DNM3: variants seen among roughly 807,000 people sequenced by gnomAD.
DNM3 encodes the protein dynamin 3, also known as dynamin-3.
In DNM3, 47 loss-of-function variants were observed where a neutral mutation model predicts 101.6. That is an observed-to-expected ratio of 0.46 (90% CI 0.37 to 0.59). The LOEUF is 0.59. Among genes scored for constraint, DNM3 ranks in the 20% least tolerant of loss-of-function variants. The pLI, the probability that DNM3 is intolerant of heterozygous loss-of-function variation, is 0.00. For missense variants in DNM3, 849 were observed against 1,085.7 expected (o/e 0.78, Z 3.06); for synonymous variants, 385 against 387.9 (o/e 0.99, Z 0.09).
chr1:172,229,947 A>G (rs180771207), intron 14 of DNM3, among the ~76,000 whole-genome samples: 1 of 152,176 alleles, frequency 6.6e-6, no homozygotes, highest in Non-Finnish European at 1.5e-5. Context: ...GAAGTTCATT[A>G]TTTCTCTGCA....
intron 14 of DNM3, among the ~76,000 whole-genome samples, chr1:172,241,175 C>G (rs1046042008): frequency 3.3e-5 from 5 of 151,438 alleles, no homozygotes; most frequent in African/African-American, 1.2e-4. Context: ...TCACTCACAC[C>G]TTGAATTCTC....
chr1:172,292,624 C>CACACACACAA (rs1553224094), intron 15 of DNM3, among the ~76,000 whole-genome samples: 1 of 135,434 alleles, frequency 7.4e-6, no homozygotes, highest in South Asian at 2.4e-4. Flanking sequence ...CACACACACA[C>CACACACACAA]GCGCGTGCGT....
In DNM3 at chr1:172,402,505, T is replaced by C. The variant is rs180953592; in HGVS notation, c.2523-5267T>C. Among the ~76,000 whole-genome samples, 163 of 152,308 alleles carry C rather than the reference T, an allele frequency of 1.1e-3. 1 individual carries two copies. Among genetic ancestry groups the C allele is most frequent in the African/African-American group, 3.7e-3 (155 of 41,582 alleles). On this transcript the variant is annotated intron_variant, in intron 20 of 20. Coordinates refer to ENST00000627582, the MANE Select transcript of DNM3 (RefSeq NM_015569.5). Reference sequence around the variant, plus strand: ...GCAAATAACTACCCTTTTAAGCAGATATCTTCTCTAAAAATGTCAGTCTTT... The same window carrying C: ...GCAAATAACTACCCTTTTAAGCAGACATCTTCTCTAAAAATGTCAGTCTTT...
intron 13 of DNM3, among the ~76,000 whole-genome samples, chr1:172,102,740 T>C (rs896929125): frequency 1.3e-5 from 2 of 152,078 alleles, no homozygotes; most frequent in Non-Finnish European, 2.9e-5. Flanking sequence ...GGCTGCCCCA[T>C]AGCTCCTCTC....
chr1:172,238,498 T>C (rs1214257975), intron 14 of DNM3, among the ~76,000 whole-genome samples: 3 of 152,210 alleles, frequency 2.0e-5, no homozygotes, highest in Non-Finnish European at 4.4e-5. Flanking sequence ...GTTTATTCTG[T>C]AGCAGGCATT....
At chr1:171,982,918 T>G (rs1435338254) in intron 2 of DNM3, among the ~76,000 whole-genome samples, 4 of 152,202 alleles carry the variant, frequency 2.6e-5, no homozygotes, top group Non-Finnish European at 5.9e-5. Flanking sequence ...CTCATTGTTC[T>G]GCCTCTTTCC....
chr1:172,052,756 T>C (rs2050296399), intron 10 of DNM3, among the ~76,000 whole-genome samples: 1 of 152,188 alleles, frequency 6.6e-6, no homozygotes, highest in Non-Finnish European at 1.5e-5. Flanking sequence ...AACACTGCGA[T>C]CCCACAGAGC....
Position 172,409,991 on chromosome 1 carries a change from ACAATGG to A in DNM3, c.*2153_*2158del, listed in dbSNP as rs1279640844. 1 of 985,634 alleles carries A rather than the reference ACAATGG, an allele frequency of 1.0e-6. No homozygotes were observed. Among genetic ancestry groups the A allele is most frequent in the Non-Finnish European group, 1.2e-6 (1 of 829,884 alleles). The allele number at this position is 985,634 out of a possible 1,614,324, so 61.1% of individuals were successfully genotyped here. A position where few individuals can be genotyped will look rare whatever the true frequency, so the allele number is the denominator to read the frequency against. On this transcript the variant is annotated 3_prime_UTR_variant, in exon 21 of 21. Transcript: ENST00000627582. ...TTCCACTGATCTTAGGCAGTAATAA[ACAATGG>A]CATTTGTCATCTTTGGCACTTGCTT...
At chr1:171,912,902 T>A (rs1160891909) in intron 1 of DNM3, among the ~76,000 whole-genome samples, 1 of 152,232 alleles carries the variant, frequency 6.6e-6, no homozygotes, top group Non-Finnish European at 1.5e-5. Flanking sequence ...GGCAGCCAAC[T>A]TGGGTAAAAT....
At chr1:172,366,692 T>C (rs763836321) in intron 17 of DNM3, 12 of 151,776 alleles carry the variant, frequency 7.9e-5, no homozygotes, top group African/African-American at 1.2e-4. Flanking sequence ...AAAAAAGAAC[T>C]AAACAGAAAT....
intron 17 of DNM3, among the ~76,000 whole-genome samples, chr1:172,369,228 A>G (rs182153263): frequency 3.3e-5 from 5 of 152,116 alleles, no homozygotes; most frequent in Admixed American, 2.0e-4. Flanking sequence ...ACTCTTGACA[A>G]GATACTAGCA....
At chr1:171,883,899 C>CT (rs2036540459) in intron 1 of DNM3, among the ~76,000 whole-genome samples, 1 of 152,210 alleles carries the variant, frequency 6.6e-6, no homozygotes, top group Non-Finnish European at 1.5e-5. Context: ...ATTTCCCAGT[C>CT]TGATTTTTGG....
At chr1:172,198,888 CT>C (rs2060051477) in intron 14 of DNM3, among the ~76,000 whole-genome samples, 1 of 151,558 alleles carries the variant, frequency 6.6e-6, no homozygotes, top group Non-Finnish European at 1.5e-5. Context: ...TTTGAATGGT[CT>C]TTTGTGTCTC....
intron 1 of DNM3, among the ~76,000 whole-genome samples, chr1:171,865,661 A>G (rs896166708): frequency 9.8e-5 from 15 of 152,346 alleles, no homozygotes; most frequent in Middle Eastern, 3.4e-3. Flanking sequence ...TAAACACCCC[A>G]TTAGGGGAAA....
In DNM3 at chr1:172,411,462, A is replaced by G. The variant is rs983654830; in HGVS notation, c.*3621A>G. 2.0e-6 allele frequency: 2 copies of G among 984,622 alleles called. No homozygotes were observed. Among genetic ancestry groups the G allele is most frequent in the Non-Finnish European group, 2.4e-6 (2 of 829,350 alleles). 61.0% of individuals were successfully genotyped at this position (984,622 alleles called of 1,614,324 possible). A position where few individuals can be genotyped will look rare whatever the true frequency, so the allele number is the denominator to read the frequency against. On this transcript the variant is annotated 3_prime_UTR_variant, in exon 21 of 21. Transcript: ENST00000627582. ...TTAAGATCTCTAATTGGAATTATAA[A>G]TTATTTTTGGATTGCTGAGCTGAAT... is the stretch of plus-strand genomic sequence containing the variant.
intron 11 of DNM3, among the ~76,000 whole-genome samples, chr1:172,071,086 CATATATATATATATATATATATAT>C (rs56255511): frequency 1.5e-5 from 1 of 65,084 alleles, no homozygotes; most frequent in Non-Finnish European, 2.7e-5. Context: ...CAAGACCCTG[CATATATATATATATATATATATAT>C]ATATATATAT....
In DNM3 at chr1:171,889,616, C is replaced by T. The variant is rs79910280; in HGVS notation, c.162-32132C>T. ...TTGCATGAAGGTTTAGGTATGATAG[C>T]GTCAGAGAGGCTAAAACTGAGAATT... On this transcript the variant is annotated intron_variant, in intron 1 of 20. Transcript: ENST00000627582. 3.0e-3 allele frequency among the ~76,000 whole-genome samples: 457 copies of T among 152,124 alleles called. 4 individuals are homozygous for T. Among genetic ancestry groups the T allele is most frequent in the African/African-American group, 0.01 (419 of 41,502 alleles).
chr1:171,914,197 G>T (rs964372048), intron 1 of DNM3, among the ~76,000 whole-genome samples: 2 of 151,104 alleles, frequency 1.3e-5, no homozygotes, highest in Non-Finnish European at 3.0e-5. Context: ...TGCTCTTGTC[G>T]CCCAGGCTGG....
At chr1:171,926,166 CT>C (rs2040556531) in intron 2 of DNM3, among the ~76,000 whole-genome samples, 1 of 152,182 alleles carries the variant, frequency 6.6e-6, no homozygotes, top group South Asian at 2.1e-4. Flanking sequence ...TGGCTTTGTT[CT>C]TTTTGCTTAG....
Sources: gnomAD v4.1 joint callset for allele counts (sites outside exome capture counted in the v4.1 genomes callset) on GRCh38, gnomAD v4.1.1 for gene constraint, MANE v1.5 for transcripts, NCBI Gene and HGNC (gene_info 2026-07-23, HGNC 2026-07-21) for gene names.